Variants in TENM3 observed in about 807,000 individuals in gnomAD.
The protein encoded by TENM3 is teneurin transmembrane protein 3.
TENM3 carries 63 observed loss-of-function variants against 255.1 expected under a neutral mutation model. That is an observed-to-expected ratio of 0.25 (90% CI 0.20 to 0.30). TENM3 has a LOEUF of 0.30. TENM3 is among the 10% of genes least tolerant of loss of function. TENM3 has a pLI of 1.00. For missense variants in TENM3, 2,929 were observed against 3,461.1 expected, an observed-to-expected ratio of 0.85 and a Z score of 3.86; for synonymous variants, 1,306 against 1,322.3, an observed-to-expected ratio of 0.99 and a Z score of 0.27.
At chr4:181,947,307 T>G in the TENM3 span, among the ~76,000 whole-genome samples, 1 of 152,264 alleles carries the variant, frequency 6.6e-6, no homozygotes, top group African/African-American at 2.4e-5. Context: ...ATTGAGTAAC[T>G]AACTGTCTTC....
At chr4:181,922,344 G>T in the TENM3 span, among the ~76,000 whole-genome samples, 1 of 152,118 alleles carries the variant, frequency 6.6e-6, no homozygotes, top group Non-Finnish European at 1.5e-5. Flanking sequence ...GTAGAATTCC[G>T]CTGTGAATCC....
At chr4:182,616,220 C>T (rs769803765) in intron 4 of TENM3, among the ~76,000 whole-genome samples, 15 of 152,112 alleles carry the variant, frequency 9.9e-5, no homozygotes, top group Non-Finnish European at 1.8e-4. Context: ...GAACTGTTTT[C>T]GTGTAAAAGA....
chr4:181,821,034 A>C, the TENM3 span, among the ~76,000 whole-genome samples: 1 of 152,150 alleles, frequency 6.6e-6, no homozygotes, highest in African/African-American at 2.4e-5. Flanking sequence ...CTGTTACTCA[A>C]GTGGAATATT....
At chr4:181,819,867 C>T in the TENM3 span, among the ~76,000 whole-genome samples, 1 of 152,192 alleles carries the variant, frequency 6.6e-6, no homozygotes, top group Admixed American at 6.5e-5. Context: ...ATTTCCTGGC[C>T]CAGGGGTTGG....
intron 3 of TENM3, among the ~76,000 whole-genome samples, chr4:182,388,902 A>G (rs1768205803): frequency 6.6e-6 from 1 of 152,244 alleles, no homozygotes; most frequent in African/African-American, 2.4e-5. Flanking sequence ...GCACCAAGAC[A>G]GATGGAGGTG....
the TENM3 span, among the ~76,000 whole-genome samples, chr4:181,611,358 T>C: frequency 6.6e-6 from 1 of 152,240 alleles, no homozygotes; most frequent in Non-Finnish European, 1.5e-5. Flanking sequence ...AGTGAATTAC[T>C]TTATTTTAAT....
At chr4:181,956,310 T>C in the TENM3 span, among the ~76,000 whole-genome samples, 3 of 152,188 alleles carry the variant, frequency 2.0e-5, no homozygotes, top group Non-Finnish European at 4.4e-5. Context: ...ACCATAGCAC[T>C]TAGTAATTGA....
At chr4:182,102,394 A>G in the TENM3 span, among the ~76,000 whole-genome samples, 1 of 152,302 alleles carries the variant, frequency 6.6e-6, no homozygotes, top group Admixed American at 6.5e-5. Flanking sequence ...TTGATTTGCT[A>G]GACTTGTTCA....
the TENM3 span, among the ~76,000 whole-genome samples, chr4:181,758,647 C>T: frequency 7.9e-3 from 1,208 of 152,244 alleles, 10 homozygotes; most frequent in Middle Eastern, 0.037. Context: ...AGAATCACTG[C>T]GATTTTTGTA....
chr4:182,093,829 G>A, the TENM3 span, among the ~76,000 whole-genome samples: 2 of 151,936 alleles, frequency 1.3e-5, no homozygotes, highest in East Asian at 1.9e-4. Context: ...CAATGTCAGG[G>A]GCCCACGGTA....
chr4:181,644,305 A>G, the TENM3 span, among the ~76,000 whole-genome samples: 1 of 151,992 alleles, frequency 6.6e-6, no homozygotes, highest in Non-Finnish European at 1.5e-5. Context: ...CCAGGTCATG[A>G]GGAGGGAGGC....
At chr4:182,117,244 T>C in the TENM3 span, among the ~76,000 whole-genome samples, 1 of 152,200 alleles carries the variant, frequency 6.6e-6, no homozygotes, top group Admixed American at 6.5e-5. Flanking sequence ...GTCTTTTCAT[T>C]CTCTTGACAC....
the TENM3 span, among the ~76,000 whole-genome samples, chr4:181,575,124 C>G: frequency 6.6e-6 from 1 of 152,130 alleles, no homozygotes; most frequent in Non-Finnish European, 1.5e-5. Flanking sequence ...TAATTCCACT[C>G]TCCACAGTCC....
the TENM3 span, among the ~76,000 whole-genome samples, chr4:181,584,577 G>A: frequency 6.6e-6 from 1 of 152,274 alleles, no homozygotes; most frequent in African/African-American, 2.4e-5. Flanking sequence ...CAACTAAAAT[G>A]TTTTAAGTTA....
At chr4:182,188,079 A>G (rs972615198) in intron 1 of TENM3, among the ~76,000 whole-genome samples, 3 of 152,136 alleles carry the variant, frequency 2.0e-5, no homozygotes, top group African/African-American at 7.2e-5. Flanking sequence ...GAAGGTCTCA[A>G]TAATTTGGAG....
chr4:182,398,423 C>T (rs1205014025), intron 3 of TENM3, among the ~76,000 whole-genome samples: 1 of 152,146 alleles, frequency 6.6e-6, no homozygotes, highest in Non-Finnish European at 1.5e-5. Flanking sequence ...TCCTTTATTT[C>T]AGAGGTGCTG....
intron 3 of TENM3, among the ~76,000 whole-genome samples, chr4:182,411,832 C>T (rs1337292002): frequency 6.6e-6 from 1 of 152,144 alleles, no homozygotes; most frequent in African/African-American, 2.4e-5. Flanking sequence ...TTTGCTTCTT[C>T]CTTGGTTCTA....
chr4:181,761,399 A>G, the TENM3 span, among the ~76,000 whole-genome samples: 1 of 152,176 alleles, frequency 6.6e-6, no homozygotes, highest in African/African-American at 2.4e-5. Flanking sequence ...TTTGTGCACA[A>G]TAAGATAAGC....
At position 182,475,533 on chromosome 4, in the gene TENM3, A is replaced by G. The variant is rs6821592; in HGVS notation, c.512-125391A>G. On this transcript the variant is annotated intron_variant, in intron 3 of 27. Coordinates refer to ENST00000511685, the MANE Select transcript of TENM3 (RefSeq NM_001080477.4). ...GTGTTTTTATATGCCTAATAATGTT[A>G]GACTGAAATGCCATAATACTAGAGG... Among the ~76,000 whole-genome samples, 268 of 152,272 alleles carry G rather than the reference A, an allele frequency of 1.8e-3. 1 individual carries two copies. The highest frequency in any genetic ancestry group is 6.0e-3 in the African/African-American group (248 of 41,550).
Sources: allele counts gnomAD v4.1 joint callset (sites outside exome capture counted in the v4.1 genomes callset), GRCh38; gene constraint gnomAD v4.1.1; transcripts MANE v1.5; gene names NCBI Gene and HGNC (gene_info 2026-07-23, HGNC 2026-07-21).